TENM4: variants seen among roughly 807,000 people sequenced by gnomAD.
The protein encoded by TENM4 is teneurin-4.
Under a neutral mutation model 243.3 loss-of-function variants are expected in TENM4, and 82 were observed. The observed-to-expected ratio is 0.34, with a 90% CI of 0.28 to 0.40. TENM4 has a LOEUF of 0.40. Ranked by LOEUF, TENM4 falls within the 10% of genes least tolerant of loss-of-function variation. TENM4 has a pLI of 1.00. For synonymous variants in TENM4, 1,412 were observed against 1,456.3 expected, an observed-to-expected ratio of 0.97 and a Z score of 0.69; for missense variants, 3,138 against 3,673.3, an observed-to-expected ratio of 0.85 and a Z score of 3.77.
chr11:78,955,043 T>G (rs560009258), intron 6 of TENM4, among the ~76,000 whole-genome samples: 1 of 152,314 alleles, frequency 6.6e-6, no homozygotes, highest in African/African-American at 2.4e-5. Context: ...AGTTTGTAAC[T>G]GGGAAACTGA....
At chr11:79,280,594 C>T (rs577569308) in intron 2 of TENM4, among the ~76,000 whole-genome samples, 1 of 152,308 alleles carries the variant, frequency 6.6e-6, no homozygotes, top group East Asian at 1.9e-4. Flanking sequence ...CACGCCTGGC[C>T]CCGGGACACA....
intron 31 of TENM4, among the ~76,000 whole-genome samples, chr11:78,671,358 C>T (rs1435489986): frequency 6.6e-6 from 1 of 152,174 alleles, no homozygotes; most frequent in East Asian, 1.9e-4. Flanking sequence ...AGGAGACCCA[C>T]CTCAGAGCAA....
At chr11:78,785,069 T>G (rs1856908325) in intron 16 of TENM4, among the ~76,000 whole-genome samples, 1 of 150,258 alleles carries the variant, frequency 6.7e-6, no homozygotes, top group South Asian at 2.1e-4. Flanking sequence ...TTTTTTTTTG[T>G]TTTTGTTTTT....
chr11:78,871,131 C>T (rs901729957), intron 9 of TENM4, among the ~76,000 whole-genome samples: 2 of 152,190 alleles, frequency 1.3e-5, no homozygotes, highest in Non-Finnish European at 2.9e-5. Flanking sequence ...GCTGTGAGCA[C>T]AGCCTCTGGA....
At chr11:79,001,063 C>A (rs944077011) in intron 6 of TENM4, among the ~76,000 whole-genome samples, 8 of 152,124 alleles carry the variant, frequency 5.3e-5, no homozygotes, top group African/African-American at 1.9e-4. Flanking sequence ...TAAATCCAAT[C>A]ATATAAATAA....
intron 1 of TENM4, among the ~76,000 whole-genome samples, chr11:79,409,244 G>GAGCTA (rs2135569788): frequency 6.6e-6 from 1 of 152,148 alleles, no homozygotes; most frequent in South Asian, 2.1e-4. Context: ...ATTGGCATTG[G>GAGCTA]AGCTAAAAAT....
rs752043294 is a variant in TENM4 at position 78,658,375 on chromosome 11, C to T, written c.7993G>A (p.Asp2665Asn). Residue 2665 changes from aspartate to asparagine, a missense_variant, in exon 34 of 34, where the codon GAC (aspartate) becomes AAC (asparagine). Asp to Asn is a conservative substitution (Grantham distance 23, BLOSUM62 1). This residue lies in a region of TENM4 where 2,467 missense variants were observed against 3,059.1 expected (regional missense o/e 0.81). Coordinates refer to ENST00000278550, the MANE Select transcript of TENM4 (RefSeq NM_001098816.3). ...AGTGCCCCGTACTGGAGCTGGATGT[C>T]TGTGTAGCGTCTAGTCCTGCCATTA... The part of the protein sequence containing the change: ...VLNGRTRRYT[D>N]IQLQYGALCL... 18 of 1,613,908 alleles carry T rather than the reference C, an allele frequency of 1.1e-5. No homozygotes were observed. The Admixed American group carries it at 2.2e-4, about 19-fold the overall frequency.
At chr11:78,850,153 G>A (rs1001070155) in intron 12 of TENM4, among the ~76,000 whole-genome samples, 4 of 151,814 alleles carry the variant, frequency 2.6e-5, no homozygotes, top group Non-Finnish European at 5.9e-5. Context: ...TTGTGTGTAC[G>A]GTTTGTAAAG....
At chr11:78,856,807 C>G (rs1858691818) in intron 10 of TENM4, among the ~76,000 whole-genome samples, 1 of 152,138 alleles carries the variant, frequency 6.6e-6, no homozygotes, top group African/African-American at 2.4e-5. Flanking sequence ...GTTCCTTTGT[C>G]TTTGGATGAG....
At chr11:79,034,442 A>C (rs971886228) in intron 6 of TENM4, among the ~76,000 whole-genome samples, 3 of 152,190 alleles carry the variant, frequency 2.0e-5, no homozygotes, top group African/African-American at 7.2e-5. Context: ...TCCAGCACTC[A>C]GAGGCACACG....
At chr11:78,839,494 GC>G (rs1404472402) in intron 12 of TENM4, among the ~76,000 whole-genome samples, 1 of 151,814 alleles carries the variant, frequency 6.6e-6, no homozygotes, top group African/African-American at 2.4e-5. Flanking sequence ...GCTATCTTGT[GC>G]CCCAGTTACA....
rs115925484 is a variant in TENM4 at position 79,151,178 on chromosome 11, A to G, written c.-162-2372T>C. Among the ~76,000 whole-genome samples the G allele has an allele frequency of 4.9e-3, 745 of 152,278 alleles. 2 individuals are homozygous for G. The highest frequency in any genetic ancestry group is 0.017 in the African/African-American group (720 of 41,568). ...GCTTCCCTCTGAAGGGAAGGCCTTT[A>G]TCCATACTGTGTGCTGAGAAAATTC... On this transcript the variant is annotated intron_variant, in intron 3 of 33. Transcript: ENST00000278550.
At chr11:78,764,958 G>C (rs1231785338) in intron 18 of TENM4, among the ~76,000 whole-genome samples, 1 of 152,102 alleles carries the variant, frequency 6.6e-6, no homozygotes, top group Non-Finnish European at 1.5e-5. Context: ...GGGCAAGGTG[G>C]GGCAATCCGT....
chr11:79,245,693 A>G (rs977767263), intron 2 of TENM4, among the ~76,000 whole-genome samples: 1 of 152,176 alleles, frequency 6.6e-6, no homozygotes, highest in African/African-American at 2.4e-5. Context: ...TAATCCCAGC[A>G]CTTTGGGAGG....
chr11:79,138,311 TTATA>T, intron 4 of TENM4, among the ~76,000 whole-genome samples: 1 of 96,126 alleles, frequency 1.0e-5, no homozygotes, highest in South Asian at 2.8e-4. Flanking sequence ...AAACTCCCCT[TTATA>T]TATATATATA....
intron 14 of TENM4, among the ~76,000 whole-genome samples, chr11:78,809,060 C>G (rs547843384): frequency 1.2e-4 from 19 of 152,272 alleles, no homozygotes; most frequent in African/African-American, 4.3e-4. Flanking sequence ...CCAGGGCACC[C>G]TTGAGGTCGA....
intron 4 of TENM4, among the ~76,000 whole-genome samples, chr11:79,134,420 C>T (rs1862069500): frequency 6.6e-6 from 1 of 152,108 alleles, no homozygotes; most frequent in Admixed American, 6.6e-5. Flanking sequence ...GATCATACTG[C>T]CAAAAGCAAT....
intron 1 of TENM4, among the ~76,000 whole-genome samples, chr11:79,354,672 T>C (rs539327371): frequency 1.3e-5 from 2 of 152,192 alleles, no homozygotes; most frequent in Non-Finnish European, 2.9e-5. Context: ...TGAAATACAG[T>C]AGCTTCAGAG....
In TENM4 at chr11:78,802,473, C is replaced by A. The variant is rs146714949; in HGVS notation, c.2179+2819G>T. ...CACAGCAGGGGCTGAGGAGAGAGAA[C>A]AGTTGAAATGCCCTCATTCTCCTTC... On this transcript the variant is annotated intron_variant, in intron 15 of 33. Coordinates refer to ENST00000278550, the MANE Select transcript of TENM4 (RefSeq NM_001098816.3). Among the ~76,000 whole-genome samples the A allele has an allele frequency of 4.2e-3, 646 of 152,364 alleles. 4 individuals are homozygous for A. The highest frequency in any genetic ancestry group is 0.015 in the African/African-American group (619 of 41,584).
Sources: allele counts gnomAD v4.1 joint callset (sites outside exome capture counted in the v4.1 genomes callset), GRCh38; gene constraint gnomAD v4.1.1; regional missense constraint gnomAD v4.1.1; transcripts MANE v1.5; gene names NCBI Gene and HGNC (gene_info 2026-07-23, HGNC 2026-07-21).